GAREM2: variants seen among roughly 807,000 people sequenced by gnomAD.
GAREM2 encodes the protein GRB2 associated regulator of MAPK1 subtype 2.
Under a neutral mutation model 55.6 loss-of-function variants are expected in GAREM2, and 30 were observed. The ratio of observed to expected loss-of-function variants is 0.54; its 90% confidence interval spans 0.40 to 0.73. The LOEUF is 0.73. Ranked by LOEUF, GAREM2 falls within the 30% of genes least tolerant of loss-of-function variation. GAREM2 has a pLI of 0.00. For missense variants in GAREM2, 1,075 were observed against 1,257.7 expected (o/e 0.85, Z 2.20); for synonymous variants, 550 against 569.1 (o/e 0.97, Z 0.48).
At chr2:26,178,411 C>CAAACAA in intron 2 of GAREM2, among the ~76,000 whole-genome samples, 2 of 9,932 alleles carry the variant, frequency 2.0e-4, no homozygotes, top group East Asian at 4.8e-3. Flanking sequence ...AAACAAACAA[C>CAAACAA]CCCCCCCCCC....
At chr2:26,201,532 T>C in the GAREM2 span, among the ~76,000 whole-genome samples, 1 of 152,194 alleles carries the variant, frequency 6.6e-6, no homozygotes, top group African/African-American at 2.4e-5. Context: ...TTCAAAGACA[T>C]GTTAACTCCC....
At chr2:26,181,214 C>A in intron 2 of GAREM2, 1 of 865,070 alleles carries the variant, frequency 1.2e-6, no homozygotes, top group Non-Finnish European at 1.4e-6. Context: ...GCAAGGCATT[C>A]AGAGCCTTTC....
intron 2 of GAREM2, chr2:26,182,346 A>T: frequency 6.6e-7 from 1 of 1,506,222 alleles, no homozygotes; most frequent in Non-Finnish European, 8.9e-7. Context: ...GTAGGATTGG[A>T]TATTGGACCA....
rs540110481 is a variant in GAREM2, at chr2:26,188,254, C to T, written c.2622C>T (p.Ile874=). The change falls in exon 6 of 6, where the codon ATC becomes ATT. Residue 874 remains isoleucine (I), a synonymous_variant. Coordinates refer to ENST00000401533, the MANE Select transcript of GAREM2 (RefSeq NM_001168241.2). ...TCATCAAAGGCTGGAGGCCCAAGAT[C>T]TGAACTGCCCAGCTGGAGCTGCACA... The part of the protein sequence containing the change: ...MQFIKGWRPK[I] The T allele has an allele frequency of 6.8e-7, 1 of 1,468,840 alleles. No individual in the cohort carries two copies. Among genetic ancestry groups the T allele is most frequent in the Non-Finnish European group, 9.1e-7 (1 of 1,099,280 alleles). The allele number at this position is 1,468,840 out of a possible 1,614,324, so 91.0% of individuals were successfully genotyped here.
At position 26,179,776 on chromosome 2, in the gene GAREM2, G is replaced by A. The variant is rs887509247; in HGVS notation, c.254-3191G>A. On this transcript the variant is annotated intron_variant, in intron 2 of 5. Transcript: ENST00000401533. The surrounding 1 kb of genome is among the most constrained non-coding windows in gnomAD (Gnocchi z 4.7). ...GACCGGCGCTGGGCTTCAGGCTGCC[G>A]CGGAGGGGGATGGTGCTGGATGCCA... 6.6e-6 allele frequency among the ~76,000 whole-genome samples: 1 copy of A among 152,116 alleles called. No homozygotes were observed. The highest frequency in any genetic ancestry group is 1.9e-4 in the East Asian group (1 of 5,178).
intron 2 of GAREM2, chr2:26,182,284 C>T (rs1669075261): frequency 1.4e-6 from 2 of 1,435,946 alleles, no homozygotes; most frequent in Non-Finnish European, 9.2e-7. Flanking sequence ...GTTGGGAAGG[C>T]CTACTCTCAG....
rs1669356846 is a variant in GAREM2 at position 26,188,187 on chromosome 2, A to C, written c.2555A>C (p.Asp852Ala). The part of the protein sequence containing the change: ...VQLSEDILAD[D>A]FHLTKLQVKK... ...CTCAGTGAGGACATCCTGGCAGATG[A>C]CTTCCACCTCACCAAGCTGCAGGTC... Residue 852 changes from aspartate (D) to alanine (A), a missense_variant, in exon 6 of 6, where the codon GAC (aspartate) becomes GCC (alanine). Asp to Ala is a moderately radical substitution (Grantham distance 126). Coordinates refer to ENST00000401533, the MANE Select transcript of GAREM2 (RefSeq NM_001168241.2). 4 of 1,542,842 alleles carry C rather than the reference A, an allele frequency of 2.6e-6. No homozygotes were observed. Among genetic ancestry groups the C allele is most frequent in the Admixed American group, 2.0e-5 (1 of 49,868 alleles).
rs1400650665 is a variant in GAREM2, at chr2:26,187,236, G to T, written c.1604G>T (p.Gly535Val). 6.9e-7 allele frequency: 1 copy of T among 1,449,788 alleles called. No individual in the cohort carries two copies. Among genetic ancestry groups the T allele is most frequent in the Non-Finnish European group, 9.1e-7 (1 of 1,095,780 alleles). The allele number at this position is 1,449,788 out of a possible 1,614,324, so 89.8% of individuals were successfully genotyped here. Residue 535 changes from glycine to valine, a missense_variant, in exon 6 of 6, where the codon GGT becomes GTT. Coordinates refer to ENST00000401533, the MANE Select transcript of GAREM2 (RefSeq NM_001168241.2). ...GTGTCTGTCTCTGTCCACAGGGCGG[G>T]TTCCCGCAGTGGCAGTGGCTCCCCA... ...YYSSGLQDGA[G>V]SRSGSGSPSP...
In GAREM2 at chr2:26,187,457, C is replaced by T. The variant is rs186209451; in HGVS notation, c.1825C>T (p.His609Tyr). 7.1e-5 allele frequency: 110 copies of T among 1,548,528 alleles called. No individual in the cohort carries two copies. In the African/African-American group the frequency reaches 1.1e-3, roughly 16 times the overall value. Residue 609 changes from histidine (H) to tyrosine (Y), a missense_variant, in exon 6 of 6, where the codon CAC becomes TAC. Physicochemically the swap from His to Tyr is moderately conservative, Grantham distance 83. Coordinates refer to ENST00000401533, the MANE Select transcript of GAREM2 (RefSeq NM_001168241.2). ...GGCTGACACCCCTGTTAAGACCTAC[C>T]ACAGCTGCCCTCCTCTATTCAAGCC... is the stretch of plus-strand genomic sequence containing the variant. ...LGADTPVKTY[H>Y]SCPPLFKPSH...
chr2:26,192,498 C>T (rs923553897), downstream of GAREM2: 1 of 891,432 alleles, frequency 1.1e-6, no homozygotes, highest in East Asian at 2.4e-5. Context: ...TCTCAGAACC[C>T]TGGCCTGGCC....
chr2:26,181,123 C>A (rs1457457475), intron 2 of GAREM2: 2 of 985,304 alleles, frequency 2.0e-6, no homozygotes, highest in Non-Finnish European at 2.4e-6. Context: ...TTTAATAGAG[C>A]TGAACCTGGA....
chr2:26,187,854 A>C lies in GAREM2; in HGVS notation c.2222A>C (p.Lys741Thr), dbSNP rs1457003775. The C allele has an allele frequency of 1.6e-5, 23 of 1,439,870 alleles. No homozygotes were observed. In the South Asian group the frequency reaches 3.5e-4, roughly 22 times the overall value. 89.2% of individuals were successfully genotyped at this position (1,439,870 alleles called of 1,614,324 possible). A position where few individuals can be genotyped will look rare whatever the true frequency, so the allele number is the denominator to read the frequency against. ...GPRLSPLGPS[K>T]AFEPEGLVLH... ...CGCCTTTCACCACTTGGCCCCTCCA[A>C]GGCCTTTGAGCCTGAAGGTTTGGTG... Residue 741 changes from lysine (K) to threonine (T), a missense_variant, in exon 6 of 6, where the codon AAG (lysine) becomes ACG (threonine). Coordinates refer to ENST00000401533, the MANE Select transcript of GAREM2 (RefSeq NM_001168241.2).
intron 5 of GAREM2, among the ~76,000 whole-genome samples, chr2:26,186,698 A>G (rs1669270247): frequency 6.6e-6 from 1 of 152,248 alleles, no homozygotes; most frequent in Non-Finnish European, 1.5e-5. Context: ...AGTTCAGGCC[A>G]GGTGCGGTGG....
downstream of GAREM2, among the ~76,000 whole-genome samples, chr2:26,190,156 C>T (rs1669447087): frequency 6.6e-6 from 1 of 152,160 alleles, no homozygotes; most frequent in African/African-American, 2.4e-5. Flanking sequence ...GATCTCCTTG[C>T]CTGCCAGTCC....
At chr2:26,192,798 T>G (rs1156662808), downstream of GAREM2, among the ~76,000 whole-genome samples, 1 of 152,120 alleles carries the variant, frequency 6.6e-6, no homozygotes, top group Non-Finnish European at 1.5e-5. Flanking sequence ...TGTTGGTCTA[T>G]TATAAAGCTC....
downstream of GAREM2, chr2:26,191,050 G>T: frequency 1.5e-6 from 1 of 649,516 alleles, no homozygotes; most frequent in Non-Finnish European, 2.8e-6. Flanking sequence ...CCTTCCAACA[G>T]GAAGTGCAAA....
chr2:26,191,441 T>G, downstream of GAREM2: 1 of 1,614,120 alleles, frequency 6.2e-7, no homozygotes, highest in East Asian at 2.2e-5. Flanking sequence ...CAACACGGGC[T>G]CCAGGCTAAA....
In GAREM2 at chr2:26,184,959, G is replaced by A; in HGVS notation, c.1111G>A (p.Asp371Asn). The A allele has an allele frequency of 8.0e-7, 1 of 1,249,314 alleles. No homozygotes were observed. Among genetic ancestry groups the A allele is most frequent in the Non-Finnish European group, 1.0e-6 (1 of 997,550 alleles). 77.4% of individuals were successfully genotyped at this position (1,249,314 alleles called of 1,614,324 possible). A position where few individuals can be genotyped will look rare whatever the true frequency, so the allele number is the denominator to read the frequency against. Residue 371 changes from aspartate to asparagine, a missense_variant, in exon 4 of 6, where the codon GAC becomes AAC. Asp to Asn is a conservative substitution (Grantham distance 23). This residue lies in a region of GAREM2 where 170 missense variants were observed against 220.7 expected (regional missense o/e 0.77). Transcript: ENST00000401533. ...CGAGGCGCCAGCGGAGCTCGCCGAA[G>A]ACTGCGCCAGCCCGCGCCGCGCGCG... is the stretch of plus-strand genomic sequence containing the variant. ...VREAPAELAE[D>N]CASPRRARLC...
chr2:26,198,925 T>A, the GAREM2 span, among the ~76,000 whole-genome samples: 1 of 151,502 alleles, frequency 6.6e-6, no homozygotes, highest in East Asian at 2.0e-4. Flanking sequence ...GACAAAGTCT[T>A]GCTTTTTCGC....
Sources: gnomAD v4.1 joint callset for allele counts (sites outside exome capture counted in the v4.1 genomes callset) on GRCh38, gnomAD v4.1.1 for gene constraint, gnomAD v4.1.1 regional missense constraint, Gnocchi (gnomAD v3.1) non-coding constraint, MANE v1.5 for transcripts, NCBI Gene and HGNC (gene_info 2026-07-23, HGNC 2026-07-21) for gene names.